The following DAB1 variants were observed in gnomAD, a reference collection of about 807,000 sequenced individuals.
The protein encoded by DAB1 is DAB adaptor protein 1, also known as disabled homolog 1.
In DAB1, 15 loss-of-function variants were observed where a neutral mutation model predicts 64.6. The ratio of observed to expected loss-of-function variants is 0.23; its 90% CI spans 0.16 to 0.36. The LOEUF is 0.36. DAB1 is among the 10% of genes least tolerant of loss of function. DAB1 has a pLI of 1.00. For missense variants in DAB1, 596 were observed against 706.7 expected (o/e 0.84, Z 1.78); for synonymous variants, 235 against 251.9 (o/e 0.93, Z 0.64).
intron 3 of DAB1, among the ~76,000 whole-genome samples, chr1:58,428,293 T>C (rs978102330): frequency 1.3e-5 from 2 of 152,214 alleles, no homozygotes; most frequent in Non-Finnish European, 2.9e-5. Flanking sequence ...ATACAAAAAC[T>C]GGCTCCAATC....
rs547271485 is a variant in DAB1, at chr1:57,701,609, G to A, written n.552-51944C>T. Among the ~76,000 whole-genome samples the A allele has an allele frequency of 2.4e-4, 37 of 151,672 alleles. No homozygotes were observed. In the East Asian group the frequency reaches 6.4e-3, roughly 26 times the overall value. On this transcript the variant is annotated intron_variant and non_coding_transcript_variant, in intron 6 of 20. Transcript: ENST00000485760. The stretch of plus-strand genomic sequence containing the variant: ...CCTAATGCTAAATGACGAGTTAATG[G>A]GTGCAGCACACCAACATGGCACATG...
chr1:58,262,831 T>C (rs1661079665), intron 4 of DAB1, among the ~76,000 whole-genome samples: 1 of 152,200 alleles, frequency 6.6e-6, no homozygotes, highest in Admixed American at 6.5e-5. Flanking sequence ...GTAGAAGCTT[T>C]GGGAATTAGT....
intron 5 of DAB1, among the ~76,000 whole-genome samples, chr1:57,965,299 G>T (rs1026150956): frequency 2.6e-5 from 4 of 152,150 alleles, no homozygotes; most frequent in African/African-American, 9.7e-5. Context: ...AAAGGCAATA[G>T]GATTGGGTGA....
At chr1:58,025,744 C>T (rs184557266) in intron 5 of DAB1, among the ~76,000 whole-genome samples, 59 of 144,456 alleles carry the variant, frequency 4.1e-4, no homozygotes, top group Middle Eastern at 4.0e-3. Context: ...GATCATATTC[C>T]TCCTCTGTCT....
At chr1:57,731,457 T>A (rs150292540) in intron 6 of DAB1, among the ~76,000 whole-genome samples, 2,118 of 152,076 alleles carry the variant, frequency 0.014, 48 homozygotes, top group African/African-American at 0.047. Flanking sequence ...ATGATCAAAA[T>A]GTTGTTTTAT....
At chr1:57,481,511 T>A (rs1644018780) in intron 7 of DAB1, among the ~76,000 whole-genome samples, 1 of 152,180 alleles carries the variant, frequency 6.6e-6, no homozygotes, top group African/African-American at 2.4e-5. Flanking sequence ...TGCTTATTCA[T>A]AATACAGCCA....
intron 7 of DAB1, among the ~76,000 whole-genome samples, chr1:57,552,589 G>T (rs1224662198): frequency 6.6e-6 from 1 of 152,194 alleles, no homozygotes; most frequent in Non-Finnish European, 1.5e-5. Context: ...CTAGGCACAG[G>T]AAACAGTGTA....
intron 1 of DAB1, among the ~76,000 whole-genome samples, chr1:57,386,195 T>C (rs1450340698): frequency 6.6e-6 from 1 of 152,100 alleles, no homozygotes. Flanking sequence ...TATCCATTTA[T>C]TCATCAGCCT....
intron 2 of DAB1, among the ~76,000 whole-genome samples, chr1:57,230,218 T>C (rs1016986705): frequency 1.3e-5 from 2 of 151,872 alleles, no homozygotes; most frequent in African/African-American, 4.8e-5. Flanking sequence ...TTGTGTAAGC[T>C]ACCATTCAGA....
intron 7 of DAB1, among the ~76,000 whole-genome samples, chr1:57,635,639 A>G (rs1052379133): frequency 1.3e-5 from 2 of 152,192 alleles, no homozygotes; most frequent in Non-Finnish European, 2.9e-5. Context: ...ATTTCATTAT[A>G]TATTACAATG....
At chr1:58,028,245 G>C (rs1311399984) in intron 5 of DAB1, among the ~76,000 whole-genome samples, 1 of 152,140 alleles carries the variant, frequency 6.6e-6, no homozygotes, top group Non-Finnish European at 1.5e-5. Context: ...TTCCTGCAAG[G>C]CTCTGGTCAA....
chr1:57,610,813 C>T (rs948097026), intron 7 of DAB1, among the ~76,000 whole-genome samples: 2 of 152,184 alleles, frequency 1.3e-5, no homozygotes. Flanking sequence ...CCATGAGGTC[C>T]GTTTCTCAAC....
chr1:57,445,161 ATTAT>A (rs1686093690), intron 7 of DAB1, among the ~76,000 whole-genome samples: 1 of 152,016 alleles, frequency 6.6e-6, no homozygotes, highest in Non-Finnish European at 1.5e-5. Context: ...TATACTGAAA[ATTAT>A]TTATCATTTA....
chr1:58,176,839 C>T lies in DAB1; in HGVS notation n.310-26251G>A, dbSNP rs1415378707. On this transcript the variant is annotated intron_variant and non_coding_transcript_variant, in intron 4 of 20. Coordinates refer to the DAB1 transcript ENST00000485760. ...CTAAAAACACAAAAAATTAGCCAGGCATGGTGGTGGGCACCTCTAGTCCCA... is the reference window on the plus strand; with the variant it reads ...CTAAAAACACAAAAAATTAGCCAGGTATGGTGGTGGGCACCTCTAGTCCCA... Among the ~76,000 whole-genome samples, 3 of 151,930 alleles carry T rather than the reference C, an allele frequency of 2.0e-5. No homozygotes were observed. In the East Asian group the frequency reaches 5.8e-4, roughly 29 times the overall value.
At chr1:58,006,195 A>G (rs549536354) in intron 5 of DAB1, among the ~76,000 whole-genome samples, 1 of 152,304 alleles carries the variant, frequency 6.6e-6, no homozygotes, top group East Asian at 1.9e-4. Flanking sequence ...ATATTTATCA[A>G]TTTAACATTG....
chr1:57,352,044 G>C (rs1216408604), intron 1 of DAB1, among the ~76,000 whole-genome samples: 1 of 152,090 alleles, frequency 6.6e-6, no homozygotes, highest in Non-Finnish European at 1.5e-5. Context: ...CATTAGATGT[G>C]AACCCCCAAA....
At chr1:57,638,792 TC>T (rs60244828) in intron 7 of DAB1, among the ~76,000 whole-genome samples, 3,248 of 152,184 alleles carry the variant, frequency 0.021, 117 homozygotes, top group African/African-American at 0.074. Flanking sequence ...TTGGATCTTT[TC>T]TTGTAACAGT....
intron 5 of DAB1, among the ~76,000 whole-genome samples, chr1:58,108,127 G>A (rs1312035379): frequency 6.6e-6 from 1 of 152,176 alleles, no homozygotes; most frequent in Admixed American, 6.5e-5. Context: ...AGAGCAAGGG[G>A]GAGCCCTGGC....
intron 9 of DAB1, among the ~76,000 whole-genome samples, chr1:57,042,383 TGA>T (rs1647900281): frequency 6.6e-6 from 1 of 152,248 alleles, no homozygotes; most frequent in African/African-American, 2.4e-5. Context: ...TGTCTGATCA[TGA>T]TTTCTACTTT....
Sources: allele counts gnomAD v4.1 joint callset (sites outside exome capture counted in the v4.1 genomes callset), GRCh38; gene constraint gnomAD v4.1.1; transcripts MANE v1.5; gene names NCBI Gene and HGNC (gene_info 2026-07-23, HGNC 2026-07-21).